CADPS2: variants seen among roughly 807,000 people sequenced by gnomAD.
The protein encoded by CADPS2 is calcium dependent secretion activator 2.
In CADPS2, 93 loss-of-function variants were observed where a neutral mutation model predicts 172.5. That is an observed-to-expected ratio of 0.54 (90% CI 0.46 to 0.64). The LOEUF (loss-of-function observed/expected upper bound fraction) is 0.64, where lower values mean the gene tolerates loss of function less well. Among genes scored for constraint, CADPS2 ranks in the 30% least tolerant of loss-of-function variants. The pLI is 0.00. For synonymous variants in CADPS2, 546 were observed against 555.2 expected (o/e 0.98, Z 0.23); for missense variants, 1,420 against 1,565.9 (o/e 0.91, Z 1.57).
At chr7:122,387,312 C>G in intron 23 of CADPS2, 139 bp from the exon 24 acceptor site, 3 of 770,192 alleles carry the variant, frequency 3.9e-6, no homozygotes, top group Non-Finnish European at 6.1e-6. Flanking sequence ...TGCTTGGGAG[C>G]TAAGGGGTGG....
chr7:122,393,128 T>G, intron 22 of CADPS2, 68 bp downstream of exon 22: 1 of 1,565,664 alleles, frequency 6.4e-7, no homozygotes, highest in East Asian at 2.3e-5. Context: ...TAAACACATC[T>G]GCGCAGAACA....
intron 9 of CADPS2, among the ~76,000 whole-genome samples, chr7:122,498,260 CTTT>C (rs1323464974): frequency 6.6e-6 from 1 of 152,120 alleles, no homozygotes; most frequent in Non-Finnish European, 1.5e-5. Flanking sequence ...TTTGCCTCTT[CTTT>C]ATGATTGTTC....
intron 9 of CADPS2, among the ~76,000 whole-genome samples, chr7:122,511,173 T>A (rs918889378): frequency 3.3e-5 from 5 of 152,136 alleles, no homozygotes; most frequent in African/African-American, 1.2e-4. Flanking sequence ...TTTTAAGATA[T>A]AAAGCATATG....
intron 2 of CADPS2, among the ~76,000 whole-genome samples, chr7:122,714,000 T>C (rs1050694007): frequency 1.3e-5 from 2 of 152,232 alleles, no homozygotes; most frequent in Non-Finnish European, 1.5e-5. Context: ...TCCAACTAAT[T>C]ATTACATTCA....
intron 8 of CADPS2, among the ~76,000 whole-genome samples, chr7:122,513,738 G>A (rs2130846887): frequency 6.6e-6 from 1 of 152,294 alleles, no homozygotes; most frequent in Admixed American, 6.5e-5. Context: ...AAGAATCCAG[G>A]GTGAAGGGTC....
intron 7 of CADPS2, among the ~76,000 whole-genome samples, chr7:122,563,408 T>G (rs2065999895): frequency 6.6e-6 from 1 of 152,174 alleles, no homozygotes; most frequent in Admixed American, 6.5e-5. Context: ...GAATGCTTTG[T>G]GAAATTTAAA....
At chr7:122,322,634 T>G (rs1050255968) in intron 29 of CADPS2, among the ~76,000 whole-genome samples, 4 of 152,234 alleles carry the variant, frequency 2.6e-5, no homozygotes, top group African/African-American at 9.6e-5. Context: ...ACAACCATTT[T>G]GACTATTTGA....
intron 1 of CADPS2, among the ~76,000 whole-genome samples, chr7:122,828,776 C>A (rs1225147715): frequency 6.6e-6 from 1 of 152,096 alleles, no homozygotes; most frequent in Non-Finnish European, 1.5e-5. Context: ...CTTTTACTTT[C>A]CTGGATAATA....
chr7:122,855,717 C>G (rs960163096), intron 1 of CADPS2, among the ~76,000 whole-genome samples: 4 of 152,178 alleles, frequency 2.6e-5, no homozygotes, highest in Non-Finnish European at 5.9e-5. Flanking sequence ...AGAATGCAGA[C>G]TGCTTCTACA....
At chr7:122,830,894 T>C (rs921896118) in intron 1 of CADPS2, among the ~76,000 whole-genome samples, 1 of 152,114 alleles carries the variant, frequency 6.6e-6, no homozygotes, top group African/African-American at 2.4e-5. Flanking sequence ...TAAAATGTCC[T>C]CATTATAAAA....
chr7:122,860,704 T>C (rs1168864870), intron 1 of CADPS2, among the ~76,000 whole-genome samples: 2 of 152,190 alleles, frequency 1.3e-5, no homozygotes, highest in African/African-American at 4.8e-5. Flanking sequence ...TGTAATTTTA[T>C]ACCTGCTGAC....
chr7:122,344,436 C>T (rs1361987750), intron 28 of CADPS2, among the ~76,000 whole-genome samples: 1 of 152,152 alleles, frequency 6.6e-6, no homozygotes, highest in Non-Finnish European at 1.5e-5. Context: ...TGTTAGTCTC[C>T]TTTACAGATA....
chr7:122,346,036 A>G (rs945411220), intron 27 of CADPS2, among the ~76,000 whole-genome samples: 2 of 151,914 alleles, frequency 1.3e-5, no homozygotes, highest in Non-Finnish European at 2.9e-5. Context: ...TGCAAATACA[A>G]TTTACTTTGC....
intron 2 of CADPS2, among the ~76,000 whole-genome samples, chr7:122,695,118 G>C (rs1393181965): frequency 3.9e-5 from 6 of 152,312 alleles, no homozygotes; most frequent in Non-Finnish European, 8.8e-5. Flanking sequence ...TATAGCAAGA[G>C]ATAGGGATAT....
intron 20 of CADPS2, among the ~76,000 whole-genome samples, chr7:122,399,469 TC>T (rs2045602098): frequency 6.6e-6 from 1 of 152,096 alleles, no homozygotes; most frequent in Admixed American, 6.6e-5. Context: ...AGTCTTATGG[TC>T]CAGCAGTCCT....
At chr7:122,659,120 GA>G (rs1168660194) in intron 3 of CADPS2, among the ~76,000 whole-genome samples, 3 of 151,800 alleles carry the variant, frequency 2.0e-5, no homozygotes, top group East Asian at 3.9e-4. Context: ...ACACAATCTG[GA>G]GAGATAAAGC....
chr7:122,751,250 C>T (rs979260572), intron 1 of CADPS2, among the ~76,000 whole-genome samples: 2 of 152,138 alleles, frequency 1.3e-5, no homozygotes, highest in South Asian at 2.1e-4. Context: ...AAGTGCTAGG[C>T]GCTTCCTAAG....
intron 1 of CADPS2, among the ~76,000 whole-genome samples, chr7:122,864,880 G>A (rs967299614): frequency 1.3e-5 from 2 of 152,134 alleles, no homozygotes; most frequent in African/African-American, 2.4e-5. Flanking sequence ...CCAGTAAGAA[G>A]GGGGAAGAGA....
At chr7:122,776,638 A>G (rs1185399199) in intron 1 of CADPS2, among the ~76,000 whole-genome samples, 3 of 152,150 alleles carry the variant, frequency 2.0e-5, no homozygotes, top group Non-Finnish European at 4.4e-5. Context: ...AACTTCCTAG[A>G]GACTTAGAGT....
Sources: allele counts gnomAD v4.1 joint callset (sites outside exome capture counted in the v4.1 genomes callset), GRCh38; gene constraint gnomAD v4.1.1; transcripts MANE v1.5; gene names NCBI Gene and HGNC (gene_info 2026-07-23, HGNC 2026-07-21).